MED12L: variants seen among roughly 807,000 people sequenced by gnomAD.
MED12L encodes mediator of RNA polymerase II transcription subunit 12-like protein.
MED12L carries 60 observed loss-of-function variants against 281.3 expected under a neutral mutation model. That is an observed-to-expected ratio of 0.21 (90% CI 0.17 to 0.26). MED12L has a LOEUF of 0.26. MED12L is among the 10% of genes least tolerant of loss of function. The pLI is 1.00. For synonymous variants in MED12L, 974 were observed against 987.2 expected (o/e 0.99, Z 0.25); for missense variants, 2,146 against 2,680.9 (o/e 0.80, Z 4.41).
chr3:151,295,329 T>C (rs1744944451), intron 16 of MED12L: 3 of 659,984 alleles, frequency 4.5e-6, no homozygotes, highest in Middle Eastern at 4.2e-4. Flanking sequence ...ATGTCATCAA[T>C]GATTTACAGA....
chr3:151,131,951 C>T (rs1241179444), intron 5 of MED12L, among the ~76,000 whole-genome samples: 1 of 152,146 alleles, frequency 6.6e-6, no homozygotes, highest in African/African-American at 2.4e-5. Flanking sequence ...TTTTTTCTTC[C>T]TCTGTAAGCC....
chr3:151,137,218 T>C (rs6794447), intron 5 of MED12L, among the ~76,000 whole-genome samples: 5,739 of 151,942 alleles, frequency 0.038, 360 homozygotes, highest in African/African-American at 0.13. Context: ...TGATCATTGT[T>C]ATGGGCTCAT....
intron 21 of MED12L, among the ~76,000 whole-genome samples, chr3:151,363,255 C>T (rs1035311679): frequency 2.0e-5 from 3 of 152,088 alleles, no homozygotes; most frequent in Non-Finnish European, 4.4e-5. Flanking sequence ...ATCTTGAAGT[C>T]AGAGACCTAT....
At chr3:151,209,492 C>G (rs751729727) in intron 16 of MED12L, among the ~76,000 whole-genome samples, 34 of 152,142 alleles carry the variant, frequency 2.2e-4, no homozygotes, top group Non-Finnish European at 4.4e-4. Flanking sequence ...CGGTAATCCA[C>G]ATGCCATTAG....
At chr3:151,430,167 C>A in intron 43 of MED12L, 132 bp from the exon 44 acceptor site, 1 of 1,303,198 alleles carries the variant, frequency 7.7e-7, no homozygotes, top group Non-Finnish European at 1.1e-6. Context: ...AATCCACACA[C>A]AGTTGTCATA....
chr3:151,352,896 T>C (rs1041940005), intron 17 of MED12L, among the ~76,000 whole-genome samples: 6 of 152,112 alleles, frequency 3.9e-5, no homozygotes, highest in African/African-American at 1.4e-4. Context: ...AAAAGAGCAA[T>C]AATATGTTAT....
chr3:151,147,561 C>G (rs528872419), intron 5 of MED12L, among the ~76,000 whole-genome samples: 9 of 152,320 alleles, frequency 5.9e-5, no homozygotes, highest in African/African-American at 2.2e-4. Flanking sequence ...AACCTACTTT[C>G]TCTGTAGATT....
intron 16 of MED12L, chr3:151,338,897 A>T (rs757770181): frequency 6.3e-7 from 1 of 1,579,696 alleles, no homozygotes; most frequent in Admixed American, 1.7e-5. Context: ...TTTCAGCCTA[A>T]GGTAGTTATT....
At chr3:151,411,018 A>G (rs1383337501) in intron 40 of MED12L, among the ~76,000 whole-genome samples, 1 of 152,194 alleles carries the variant, frequency 6.6e-6, no homozygotes. Flanking sequence ...CTTAAAAGCC[A>G]GTTTAACTAA....
intron 16 of MED12L, among the ~76,000 whole-genome samples, chr3:151,335,080 C>T (rs773475655): frequency 2.6e-4 from 40 of 152,086 alleles, no homozygotes; most frequent in Non-Finnish European, 4.1e-4. Context: ...GTGTAATGGT[C>T]AAATCAGGGT....
chr3:151,435,251 TATCA>T lies in MED12L; in HGVS notation c.*2456_*2459del, dbSNP rs3975356. The T allele has an allele frequency of 0.85, 129,031 of 151,468 alleles. 55,256 individuals are homozygous for T. Among genetic ancestry groups the T allele is most frequent in the Middle Eastern group, 0.97 (284 of 294 alleles). 9.4% of individuals were successfully genotyped at this position (151,468 alleles called of 1,614,324 possible). ...GAAATCAAATGGAGTCAGCTATACCTATCAATCAATCACAGTTCTTGGATATAAG... is the reference window on the plus strand; with the variant it reads ...GAAATCAAATGGAGTCAGCTATACCTATCAATCACAGTTCTTGGATATAAG... On this transcript the variant is annotated 3_prime_UTR_variant, in exon 45 of 45. Coordinates refer to ENST00000687756, the MANE Select transcript of MED12L (RefSeq NM_001393769.1).
rs139860022 is a variant in MED12L at position 151,264,680 on chromosome 3, G to T, written c.2250+71014G>T. ...GGAGCCTCCTGTGACCTTCCAGCCTGTGCCCCCTACCCCAGCCAGCTGCAA... is the reference window on the plus strand; with the variant it reads ...GGAGCCTCCTGTGACCTTCCAGCCTTTGCCCCCTACCCCAGCCAGCTGCAA... On this transcript the variant is annotated intron_variant, in intron 16 of 44. Coordinates refer to ENST00000687756, the MANE Select transcript of MED12L (RefSeq NM_001393769.1). Among the ~76,000 whole-genome samples the T allele has an allele frequency of 3.6e-3, 546 of 152,268 alleles. 3 individuals carry two copies. The highest frequency in any genetic ancestry group is 0.013 in the African/African-American group (521 of 41,544).
intron 21 of MED12L, among the ~76,000 whole-genome samples, chr3:151,364,656 G>A (rs769360116): frequency 1.3e-5 from 2 of 152,136 alleles, no homozygotes; most frequent in Non-Finnish European, 2.9e-5. Context: ...AGACACAGTT[G>A]TTGGAAGCCA....
intron 2 of MED12L, among the ~76,000 whole-genome samples, chr3:151,101,491 A>T (rs901902327): frequency 1.3e-5 from 2 of 152,148 alleles, no homozygotes; most frequent in Non-Finnish European, 2.9e-5. Context: ...CTCTATTTAT[A>T]TAGTGAGTCT....
At chr3:151,191,072 T>C in intron 14 of MED12L, 141 bp downstream of exon 14, 1 of 688,124 alleles carries the variant, frequency 1.5e-6, no homozygotes, top group Non-Finnish European at 2.4e-6. Flanking sequence ...TCTCTACTTC[T>C]CGAGCAGGAA....
intron 17 of MED12L, among the ~76,000 whole-genome samples, chr3:151,352,027 ATAGTTT>A (rs1753297593): frequency 6.6e-6 from 1 of 152,180 alleles, no homozygotes; most frequent in Non-Finnish European, 1.5e-5. Flanking sequence ...TGGATTTTGG[ATAGTTT>A]CACATTTTTG....
chr3:151,179,771 T>C (rs1332703232), intron 11 of MED12L, among the ~76,000 whole-genome samples: 2 of 152,204 alleles, frequency 1.3e-5, no homozygotes, highest in African/African-American at 2.4e-5. Context: ...TAATCAGACA[T>C]TGAAATCTGG....
At position 151,230,001 on chromosome 3, in the gene MED12L, G is replaced by A. The variant is rs577789022; in HGVS notation, c.2250+36335G>A. Among the ~76,000 whole-genome samples the A allele has an allele frequency of 2.6e-5, 4 of 151,354 alleles. No homozygotes were observed. In the South Asian group the frequency reaches 6.3e-4, roughly 24 times the overall value. On this transcript the variant is annotated intron_variant, in intron 16 of 44. Transcript: ENST00000687756. The stretch of plus-strand genomic sequence containing the variant: ...GTTTTTGTTTTGGATATGGAGTCTC[G>A]CTCTGTTGCCCAGGCTGGAGTGCAG...
intron 39 of MED12L, among the ~76,000 whole-genome samples, chr3:151,406,001 C>G (rs914586956): frequency 2.0e-5 from 3 of 152,184 alleles, no homozygotes; most frequent in Admixed American, 6.5e-5. Flanking sequence ...TTACTGAGCA[C>G]TTACTATATG....
Sources: gnomAD v4.1 joint callset for allele counts (sites outside exome capture counted in the v4.1 genomes callset) on GRCh38, gnomAD v4.1.1 for gene constraint, MANE v1.5 for transcripts, NCBI Gene and HGNC (gene_info 2026-07-23, HGNC 2026-07-21) for gene names.